FHIT: variants seen among roughly 807,000 people sequenced by gnomAD.
FHIT encodes the protein bis(5'-adenosyl)-triphosphatase.
FHIT carries 19 observed loss-of-function variants against 17.9 expected under a neutral mutation model. The ratio of observed to expected loss-of-function variants is 1.06; its 90% confidence interval spans 0.74 to 1.56. FHIT has a LOEUF of 1.56. Ranked by LOEUF, FHIT falls within the 40% of genes most tolerant of loss-of-function variation. FHIT has a pLI of 0.00. For missense variants in FHIT, 248 were observed against 189.2 expected (o/e 1.31, Z -1.82); for synonymous variants, 81 against 69.7 (o/e 1.16, Z -0.81).
intron 4 of FHIT, among the ~76,000 whole-genome samples, chr3:60,692,376 A>T (rs1553699702): frequency 1.3e-5 from 2 of 152,234 alleles, no homozygotes; most frequent in African/African-American, 4.8e-5. Flanking sequence ...GGTAGCAGAT[A>T]GAATTAAGTT....
At chr3:59,858,878 T>C (rs868157884) in intron 8 of FHIT, among the ~76,000 whole-genome samples, 7 of 152,328 alleles carry the variant, frequency 4.6e-5, no homozygotes, top group Middle Eastern at 3.4e-3. Context: ...ATGTGGCTTA[T>C]GTGTAAACAT....
At chr3:60,803,040 G>T (rs79148932) in intron 4 of FHIT, among the ~76,000 whole-genome samples, 1 of 151,762 alleles carries the variant, frequency 6.6e-6, no homozygotes, top group Admixed American at 6.6e-5. Flanking sequence ...ATAAATAGGA[G>T]AGTTTCTGTT....
chr3:60,452,793 A>G (rs576011364), intron 5 of FHIT, among the ~76,000 whole-genome samples: 14 of 152,282 alleles, frequency 9.2e-5, no homozygotes, highest in Non-Finnish European at 1.9e-4. Context: ...CAATTGAGTT[A>G]TTATTTTTCC....
intron 4 of FHIT, among the ~76,000 whole-genome samples, chr3:60,666,621 C>T (rs1288435579): frequency 6.6e-6 from 1 of 152,124 alleles, no homozygotes; most frequent in Non-Finnish European, 1.5e-5. Flanking sequence ...AGGTTTCTGT[C>T]TTTCACCAAA....
chr3:60,901,451 A>G (rs1259808281), intron 3 of FHIT, among the ~76,000 whole-genome samples: 2 of 152,218 alleles, frequency 1.3e-5, no homozygotes, highest in Admixed American at 6.5e-5. Context: ...TGGCAGAATA[A>G]TATGTATAGT....
At chr3:61,188,418 T>G (rs1310569935) in intron 2 of FHIT, among the ~76,000 whole-genome samples, 2 of 151,926 alleles carry the variant, frequency 1.3e-5, no homozygotes, top group Non-Finnish European at 2.9e-5. Context: ...AAAAACAGGC[T>G]CTGAAATTGA....
At chr3:61,004,576 G>C (rs2031317623) in intron 3 of FHIT, among the ~76,000 whole-genome samples, 3 of 152,208 alleles carry the variant, frequency 2.0e-5, no homozygotes, top group South Asian at 4.1e-4. Flanking sequence ...GTCTGGTGGA[G>C]AGGTCAACCT....
chr3:61,086,996 G>T (rs1377119326), intron 2 of FHIT, among the ~76,000 whole-genome samples: 1 of 151,888 alleles, frequency 6.6e-6, no homozygotes, highest in South Asian at 2.1e-4. Context: ...ATCCCATTGG[G>T]TTAATTCCCA....
intron 5 of FHIT, among the ~76,000 whole-genome samples, chr3:60,494,178 A>C (rs1025653394): frequency 1.3e-5 from 2 of 152,170 alleles, no homozygotes; most frequent in African/African-American, 4.8e-5. Flanking sequence ...ATCCCAAAAG[A>C]AAACTCTGTG....
chr3:60,787,597 G>C (rs1283217790), intron 4 of FHIT, among the ~76,000 whole-genome samples: 1 of 152,216 alleles, frequency 6.6e-6, no homozygotes, highest in African/African-American at 2.4e-5. Flanking sequence ...CATGAAACAG[G>C]TAAGTGAACA....
chr3:60,740,221 G>A (rs1332321962), intron 4 of FHIT, among the ~76,000 whole-genome samples: 1 of 152,186 alleles, frequency 6.6e-6, no homozygotes, highest in African/African-American at 2.4e-5. Context: ...ACAATCTTAT[G>A]AGGTGGTTTA....
chr3:60,618,901 G>A (rs576740510), intron 4 of FHIT, among the ~76,000 whole-genome samples: 1 of 152,032 alleles, frequency 6.6e-6, no homozygotes, highest in African/African-American at 2.4e-5. Context: ...AGAATGCAGG[G>A]GGCCACAAAG....
intron 4 of FHIT, among the ~76,000 whole-genome samples, chr3:60,561,386 C>G (rs1472242766): frequency 6.6e-6 from 1 of 152,008 alleles, no homozygotes; most frequent in East Asian, 1.9e-4. Flanking sequence ...CCAGTTACAA[C>G]CAAGTTATAG....
At chr3:60,695,042 C>A (rs868945106) in intron 4 of FHIT, among the ~76,000 whole-genome samples, 108 of 152,044 alleles carry the variant, frequency 7.1e-4, no homozygotes, top group African/African-American at 2.6e-3. Context: ...GCACATGTAC[C>A]CTAGAACTTA....
intron 4 of FHIT, among the ~76,000 whole-genome samples, chr3:60,625,230 T>C (rs1316677126): frequency 6.6e-6 from 1 of 152,194 alleles, no homozygotes; most frequent in Non-Finnish European, 1.5e-5. Flanking sequence ...TTTTAGCAAA[T>C]TTAATGTTGC....
At chr3:59,888,285 G>A (rs951477227) in intron 8 of FHIT, among the ~76,000 whole-genome samples, 2 of 152,168 alleles carry the variant, frequency 1.3e-5, no homozygotes, top group African/African-American at 2.4e-5. Context: ...AAGTAGTCAT[G>A]CATAGCTTAT....
intron 5 of FHIT, among the ~76,000 whole-genome samples, chr3:60,126,968 A>G (rs1705580553): frequency 6.6e-6 from 1 of 152,136 alleles, no homozygotes; most frequent in Non-Finnish European, 1.5e-5. Context: ...CATCTCTGCC[A>G]TTTTTCCTGT....
chr3:60,557,221 G>A (rs980210423), intron 4 of FHIT, among the ~76,000 whole-genome samples: 5 of 152,032 alleles, frequency 3.3e-5, no homozygotes, highest in Non-Finnish European at 7.4e-5. Flanking sequence ...AAGTACACAC[G>A]GAAGCAAGTG....
chr3:60,697,873 GA>G (rs1249348715), intron 4 of FHIT, among the ~76,000 whole-genome samples: 1 of 151,710 alleles, frequency 6.6e-6, no homozygotes, highest in Non-Finnish European at 1.5e-5. Context: ...AACAAATCTG[GA>G]AAAAAAATTA....
Sources: gnomAD v4.1 joint callset for allele counts (sites outside exome capture counted in the v4.1 genomes callset) on GRCh38, gnomAD v4.1.1 for gene constraint, MANE v1.5 for transcripts, NCBI Gene and HGNC (gene_info 2026-07-23, HGNC 2026-07-21) for gene names.